Variants in ZNF215 observed in about 807,000 individuals in gnomAD.
ZNF215 encodes the protein BWSCR2-associated zinc finger protein 2.
In ZNF215, 24 loss-of-function variants were observed where a neutral mutation model predicts 27.2. That is an observed-to-expected ratio of 0.88 (90% CI 0.64 to 1.24). The LOEUF (loss-of-function observed/expected upper bound fraction) is 1.24, where lower values mean the gene tolerates loss of function less well. Ranked by LOEUF, ZNF215 falls within the 50% of genes most tolerant of loss-of-function variation. The pLI, the probability that ZNF215 is intolerant of heterozygous loss-of-function variation, is 0.00. For synonymous variants in ZNF215, 210 were observed against 204.0 expected (o/e 1.03, Z -0.25); for missense variants, 675 against 605.7 (o/e 1.11, Z -1.20).
intron 6 of ZNF215, among the ~76,000 whole-genome samples, chr11:6,954,652 C>T (rs901047562): frequency 8.5e-5 from 13 of 152,230 alleles, no homozygotes; most frequent in Admixed American, 2.0e-4. Context: ...CTTTCTTTGA[C>T]TAGGAAAGGG....
intron 5 of ZNF215, 84 bp from the exon 6 acceptor site, chr11:6,943,462 G>T: frequency 7.5e-7 from 1 of 1,326,068 alleles, no homozygotes; most frequent in South Asian, 1.3e-5. Flanking sequence ...TACTGTGTCG[G>T]GATAGAATTA....
At chr11:6,967,465 C>T (rs1320313069) in intron 5 of ZNF215, among the ~76,000 whole-genome samples, 1 of 152,198 alleles carries the variant, frequency 6.6e-6, no homozygotes. Context: ...TCTCCAGCAT[C>T]TGTTGTTTCC....
At chr11:6,954,952 A>G in intron 6 of ZNF215, among the ~76,000 whole-genome samples, 1 of 152,332 alleles carries the variant, frequency 6.6e-6, no homozygotes, top group African/African-American at 2.4e-5. Context: ...GCTAAATGAG[A>G]GGAATTTTGA....
chr11:6,978,292 T>A (rs1850875326), intron 5 of ZNF215, among the ~76,000 whole-genome samples: 1 of 152,078 alleles, frequency 6.6e-6, no homozygotes. Flanking sequence ...ACTGATTGAA[T>A]GAAGCCTTAG....
At chr11:6,944,860 A>G (rs982968664) in intron 6 of ZNF215, among the ~76,000 whole-genome samples, 1 of 152,024 alleles carries the variant, frequency 6.6e-6, no homozygotes, top group South Asian at 2.1e-4. Context: ...GTGATTACCT[A>G]TTTCACTAAT....
chr11:6,974,928 T>C (rs969700783), intron 5 of ZNF215, among the ~76,000 whole-genome samples: 2 of 148,580 alleles, frequency 1.3e-5, no homozygotes, highest in African/African-American at 4.9e-5. Flanking sequence ...TCCAACACTA[T>C]GTTGAATAGG....
chr11:6,950,340 G>A lies in ZNF215; in HGVS notation c.713-5350G>A, dbSNP rs1194529951. ...CCTTGGGCAGTATGGCCATTTTCAC[G>A]ATATTGATTCTTCCTACCCATGAGC... On this transcript the variant is annotated intron_variant, in intron 6 of 6. Coordinates refer to ENST00000278319, the MANE Select transcript of ZNF215 (RefSeq NM_013250.4). 2.3e-4 allele frequency among the ~76,000 whole-genome samples: 34 copies of A among 149,806 alleles called. 1 individual carries two copies. The highest frequency in any genetic ancestry group is 4.0e-4 in the Admixed American group (6 of 15,082).
intron 5 of ZNF215, among the ~76,000 whole-genome samples, chr11:6,980,877 G>C (rs1329023379): frequency 6.7e-6 from 1 of 150,200 alleles, no homozygotes; most frequent in Non-Finnish European, 1.5e-5. Flanking sequence ...TTTTGTTCTT[G>C]TGATAGTTTA....
chr11:6,932,390 G>A lies in ZNF215; in HGVS notation c.118G>A (p.Glu40Lys). The stretch of plus-strand genomic sequence containing the variant: ...GCAGCAGGAAACCAACCCCGTCGTG[G>A]AGACACATGACTCTGAGGCATCTCG... The part of the protein sequence containing the change: ...SWQQETNPVV[E>K]THDSEASRQK... Residue 40 changes from glutamate to lysine, a missense_variant, in exon 3 of 7, where the codon GAG becomes AAG. Glu to Lys is a moderately conservative substitution (Grantham distance 56). Transcript: ENST00000278319. 6.2e-7 allele frequency: 1 copy of A among 1,614,116 alleles called. No individual in the cohort carries two copies. Among genetic ancestry groups the A allele is most frequent in the Non-Finnish European group, 8.5e-7 (1 of 1,180,018 alleles).
chr11:6,967,210 T>C (rs1218588424), intron 5 of ZNF215, among the ~76,000 whole-genome samples: 1 of 152,210 alleles, frequency 6.6e-6, no homozygotes, highest in African/African-American at 2.4e-5. Flanking sequence ...CAGTCTATCA[T>C]TGATGGGCAT....
At position 6,926,586 on chromosome 11, in the gene ZNF215, C is replaced by G. The variant is rs1356708493; in HGVS notation, c.-425C>G. On this transcript the variant is annotated 5_prime_UTR_variant, in exon 1 of 7. Coordinates refer to ENST00000278319, the MANE Select transcript of ZNF215 (RefSeq NM_013250.4). ...CGGAGCCGGCAGTGAGTTGAGGGTTCGGCGAGGTCAGGGATTCCTAGTTGC... is the reference window on the plus strand; with the variant it reads ...CGGAGCCGGCAGTGAGTTGAGGGTTGGGCGAGGTCAGGGATTCCTAGTTGC... 1 of 152,250 alleles carries G rather than the reference C, an allele frequency of 6.6e-6. No homozygotes were observed. Among genetic ancestry groups the G allele is most frequent in the African/African-American group, 2.4e-5 (1 of 41,448 alleles). The allele number at this position is 152,250 out of a possible 1,614,324, so 9.4% of individuals were successfully genotyped here. A position where few individuals can be genotyped will look rare whatever the true frequency, so the allele number is the denominator to read the frequency against.
intron 3 of ZNF215, among the ~76,000 whole-genome samples, chr11:6,938,022 T>C (rs1849498908): frequency 6.6e-6 from 1 of 151,942 alleles, no homozygotes; most frequent in Non-Finnish European, 1.5e-5. Context: ...TTAACACTTT[T>C]GTGCATCAAA....
intron 5 of ZNF215, among the ~76,000 whole-genome samples, chr11:6,970,550 C>T (rs1003266601): frequency 1.3e-5 from 2 of 151,918 alleles, no homozygotes; most frequent in Admixed American, 6.6e-5. Context: ...TGTTTACGGG[C>T]GAAGTAATGC....
Position 6,955,989 on chromosome 11 carries a change from A to C in ZNF215, c.1012A>C (p.Lys338Gln), listed in dbSNP as rs1469230171. 1 of 1,612,582 alleles carries C rather than the reference A, an allele frequency of 6.2e-7. No homozygotes were observed. Among genetic ancestry groups the C allele is most frequent in the Non-Finnish European group, 8.5e-7 (1 of 1,179,650 alleles). Reference protein sequence around the residue: ...RKGSPKCDKFKTYFKFNLDSV... With the variant: ...RKGSPKCDKFQTYFKFNLDSV... ...GGGGTCTCCAAAATGTGATAAGTTT[A>C]AAACTTACTTCAAATTTAATTTAGA... is the stretch of plus-strand genomic sequence containing the variant. Residue 338 changes from lysine (K) to glutamine (Q), a missense_variant, in exon 7 of 7, where the codon AAA (lysine) becomes CAA (glutamine). Transcript: ENST00000278319.
rs1013714952 is a variant in ZNF215, at chr11:6,956,078, T to C, written c.1101T>C (p.Ile367=). The C allele has an allele frequency of 6.2e-7, 1 of 1,611,922 alleles. No individual in the cohort carries two copies. The highest frequency in any genetic ancestry group is 8.5e-7 in the Non-Finnish European group (1 of 1,179,504). Residue 367 remains isoleucine, a synonymous_variant, in exon 7 of 7, where the codon ATT becomes ATC. Coordinates refer to ENST00000278319, the MANE Select transcript of ZNF215 (RefSeq NM_013250.4). ...ATGACTTGAGTTTGAGTACAGATAT[T>C]CGACACCAAAAAAGTCATACTACAA... ...YGNDLSLSTD[I]RHQKSHTTMN... is the part of the protein sequence containing the mutation.
At chr11:6,935,753 A>G (rs778905168) in intron 3 of ZNF215, among the ~76,000 whole-genome samples, 87 of 152,276 alleles carry the variant, frequency 5.7e-4, no homozygotes, top group Admixed American at 9.8e-4. Flanking sequence ...ACAACAGAAG[A>G]TACATTTTCA....
intron 5 of ZNF215, among the ~76,000 whole-genome samples, chr11:6,970,232 A>G (rs982293592): frequency 4.6e-5 from 7 of 152,242 alleles, no homozygotes; most frequent in Non-Finnish European, 8.8e-5. Context: ...ACAAAATGCA[A>G]TCAGTGAAAT....
In ZNF215 at chr11:6,981,743, T is replaced by C. The variant is rs190516499; in HGVS notation, c.806-2386T>C. 5.5e-4 allele frequency among the ~76,000 whole-genome samples: 83 copies of C among 152,290 alleles called. No homozygotes were observed. In the East Asian group the frequency reaches 0.015, roughly 28 times the overall value. ...TCTTCAGGGTTTTTATGGTTTTAGG[T>C]CTAACGTTTAAGTCTTTAATCCATC... On this transcript the variant is annotated intron_variant, in intron 5 of 5. Transcript: ENST00000529903.
At position 6,937,055 on chromosome 11, in the gene ZNF215, A is replaced by G. The variant is rs569995272; in HGVS notation, c.400+4383A>G. 1.3e-4 allele frequency among the ~76,000 whole-genome samples: 20 copies of G among 152,166 alleles called. No homozygotes were observed. In the East Asian group the frequency reaches 3.1e-3, roughly 23 times the overall value. ...TGTCCACTCTTGCCACTTCTATTCAATGTCATACTAAACGTTCTAGCTAGT... is the reference window on the plus strand; with the variant it reads ...TGTCCACTCTTGCCACTTCTATTCAGTGTCATACTAAACGTTCTAGCTAGT... On this transcript the variant is annotated intron_variant, in intron 3 of 6. Transcript: ENST00000278319.
Sources: gnomAD v4.1 joint callset for allele counts (sites outside exome capture counted in the v4.1 genomes callset) on GRCh38, gnomAD v4.1.1 for gene constraint, MANE v1.5 for transcripts, NCBI Gene and HGNC (gene_info 2026-07-23, HGNC 2026-07-21) for gene names.